Variants in RARB observed in about 807,000 individuals in gnomAD.
The protein encoded by RARB is HBV-activated protein.
In RARB, 17 loss-of-function variants were observed where a neutral mutation model predicts 51.9. The observed-to-expected ratio is 0.33, with a 90% CI of 0.22 to 0.49. The LOEUF (loss-of-function observed/expected upper bound fraction) is 0.49, where lower values mean the gene tolerates loss of function less well. RARB is among the 20% of genes least tolerant of loss of function. The pLI is 0.99. For synonymous variants in RARB, 215 were observed against 195.4 expected (o/e 1.10, Z -0.84); for missense variants, 369 against 550.8 (o/e 0.67, Z 3.30).
At chr3:24,918,494 G>C (rs1250281059) in intron 2 of RARB, among the ~76,000 whole-genome samples, 1 of 152,110 alleles carries the variant, frequency 6.6e-6, no homozygotes. Context: ...GCATAATTTT[G>C]TAAATTTACC....
intron 5 of RARB, among the ~76,000 whole-genome samples, chr3:25,265,997 T>A (rs923200541): frequency 2.0e-5 from 3 of 152,166 alleles, no homozygotes; most frequent in Non-Finnish European, 2.9e-5. Context: ...ATCCTTACAC[T>A]GCCATTTCTA....
chr3:25,336,019 C>T (rs74368804), intron 5 of RARB, among the ~76,000 whole-genome samples: 7,994 of 151,258 alleles, frequency 0.053, 226 homozygotes, highest in Middle Eastern at 0.065. Context: ...TTAGAATTTT[C>T]CTAATAGGTT....
intron 3 of RARB, among the ~76,000 whole-genome samples, chr3:25,072,885 T>A (rs914308104): frequency 7.2e-5 from 11 of 151,758 alleles, no homozygotes; most frequent in African/African-American, 2.4e-4. Context: ...ATTTTTTGTA[T>A]TTTTTTAGTA....
At chr3:25,592,130 G>A (rs1294917705) in intron 5 of RARB, among the ~76,000 whole-genome samples, 2 of 152,184 alleles carry the variant, frequency 1.3e-5, no homozygotes, top group African/African-American at 4.8e-5. Context: ...GATGGAGAGG[G>A]CTTTACTACT....
chr3:24,987,622 T>C (rs1023258841), intron 2 of RARB, among the ~76,000 whole-genome samples: 2 of 152,232 alleles, frequency 1.3e-5, no homozygotes, highest in African/African-American at 4.8e-5. Context: ...TCTACACCAC[T>C]AATGGCCCGG....
chr3:25,316,730 T>G (rs1433622064), intron 5 of RARB, among the ~76,000 whole-genome samples: 1 of 151,582 alleles, frequency 6.6e-6, no homozygotes, highest in African/African-American at 2.4e-5. Context: ...TAGACTGGAT[T>G]GCAAGGGACT....
chr3:24,911,212 C>T (rs1008677645), intron 2 of RARB, among the ~76,000 whole-genome samples: 3 of 152,092 alleles, frequency 2.0e-5, no homozygotes, highest in Non-Finnish European at 2.9e-5. Flanking sequence ...TGGCTTTGTT[C>T]ACAGCTGTAG....
chr3:25,199,106 A>G (rs1219901115), intron 5 of RARB, among the ~76,000 whole-genome samples: 1 of 152,114 alleles, frequency 6.6e-6, no homozygotes, highest in East Asian at 1.9e-4. Context: ...GAGTACTACT[A>G]TTCAACCATG....
chr3:25,125,110 C>G (rs751783968), intron 3 of RARB, among the ~76,000 whole-genome samples: 1 of 152,088 alleles, frequency 6.6e-6, no homozygotes, highest in Non-Finnish European at 1.5e-5. Context: ...AAGTGGGAGG[C>G]CTCAAAAAAT....
chr3:24,886,760 G>A (rs1326355995), intron 2 of RARB, among the ~76,000 whole-genome samples: 2 of 152,004 alleles, frequency 1.3e-5, no homozygotes, highest in African/African-American at 4.8e-5. Context: ...GATACTCCTA[G>A]GGCAACTTGA....
chr3:25,309,920 A>C (rs894900692), intron 5 of RARB, among the ~76,000 whole-genome samples: 1 of 152,188 alleles, frequency 6.6e-6, no homozygotes, highest in Non-Finnish European at 1.5e-5. Flanking sequence ...TGATGGCTTT[A>C]AAGAAAACTA....
chr3:24,919,442 C>CAACTGTTCA (rs1695173742), intron 2 of RARB, among the ~76,000 whole-genome samples: 1 of 151,692 alleles, frequency 6.6e-6, no homozygotes, highest in Non-Finnish European at 1.5e-5. Flanking sequence ...CAAAGATGGC[C>CAACTGTTCA]AACTGTTCAA....
chr3:24,936,509 C>A (rs941438403), intron 2 of RARB, among the ~76,000 whole-genome samples: 1 of 152,132 alleles, frequency 6.6e-6, no homozygotes, highest in Non-Finnish European at 1.5e-5. Flanking sequence ...ACTCAAATGA[C>A]TAATTTGATT....
chr3:25,490,521 G>A lies in RARB; in HGVS notation c.307-10661G>A, dbSNP rs1696679146. ...TTAAAATTCATGCTCTTTGGTAAAG[G>A]GTTTCAGTATATATGAGCATGTTTT... On this transcript the variant is annotated intron_variant, in intron 2 of 7. Transcript: ENST00000330688. 1.3e-5 allele frequency among the ~76,000 whole-genome samples: 2 copies of A among 152,008 alleles called. 1 individual carries two copies. Among genetic ancestry groups the A allele is most frequent in the South Asian group, 4.2e-4 (2 of 4,806 alleles).
intron 3 of RARB, among the ~76,000 whole-genome samples, chr3:25,529,239 G>GTA (rs961040221): frequency 3.3e-5 from 5 of 152,006 alleles, no homozygotes; most frequent in African/African-American, 1.2e-4. Flanking sequence ...TGTGATGTGT[G>GTA]TATATATACA....
intron 2 of RARB, among the ~76,000 whole-genome samples, chr3:24,893,113 C>A (rs886845363): frequency 6.6e-6 from 1 of 152,210 alleles, no homozygotes; most frequent in African/African-American, 2.4e-5. Context: ...TAAATGAACT[C>A]TAGTAATGGT....
At chr3:25,582,616 A>G (rs1227026269) in intron 5 of RARB, among the ~76,000 whole-genome samples, 1 of 152,088 alleles carries the variant, frequency 6.6e-6, no homozygotes, top group Admixed American at 6.5e-5. Context: ...CTTAGTGATC[A>G]GGGTGCAGTC....
intron 3 of RARB, among the ~76,000 whole-genome samples, chr3:25,545,942 T>G (rs1280891243): frequency 6.6e-6 from 1 of 152,192 alleles, no homozygotes; most frequent in East Asian, 1.9e-4. Flanking sequence ...GGAATCAGGT[T>G]GTAATTTTTG....
intron 5 of RARB, among the ~76,000 whole-genome samples, chr3:25,395,241 T>A (rs1184517587): frequency 6.6e-6 from 1 of 152,204 alleles, no homozygotes; most frequent in Non-Finnish European, 1.5e-5. Flanking sequence ...CAATCCCTTG[T>A]GGCTTGAAGG....
Sources: allele counts gnomAD v4.1 joint callset (sites outside exome capture counted in the v4.1 genomes callset), GRCh38; gene constraint gnomAD v4.1.1; transcripts MANE v1.5; gene names NCBI Gene and HGNC (gene_info 2026-07-23, HGNC 2026-07-21).